The following RCL1 variants were observed in gnomAD, a reference collection of about 807,000 sequenced individuals.
RCL1 encodes the protein RNA 3'-terminal phosphate cyclase-like protein.
RCL1 carries 24 observed loss-of-function variants against 42.4 expected under a neutral mutation model. That is an observed-to-expected ratio of 0.57 (90% CI 0.41 to 0.80). RCL1 has a LOEUF of 0.80. Among genes scored for constraint, RCL1 ranks in the 30% least tolerant of loss-of-function variants. RCL1 has a pLI of 0.00. For missense variants in RCL1, 578 were observed against 467.9 expected, an observed-to-expected ratio of 1.24 and a Z score of -2.17; for synonymous variants, 228 against 177.3, an observed-to-expected ratio of 1.29 and a Z score of -2.27.
intron 5 of RCL1, 22 bp downstream of exon 5, chr9:4,834,287 A>C: frequency 6.3e-7 from 1 of 1,593,682 alleles, no homozygotes; most frequent in Non-Finnish European, 8.5e-7. Context: ...ATTTATTTGG[A>C]TTTCTTTTTT....
intron 2 of RCL1, among the ~76,000 whole-genome samples, 169 bp from the exon 3 acceptor site, chr9:4,826,689 A>C (rs576154346): frequency 6.6e-6 from 1 of 152,328 alleles, no homozygotes; most frequent in Admixed American, 6.5e-5. Context: ...GGGGCTTGAC[A>C]GTAGTGAGTC....
intron 3 of RCL1, among the ~76,000 whole-genome samples, chr9:4,828,618 T>C (rs1438610261): frequency 6.6e-6 from 1 of 151,376 alleles, no homozygotes; most frequent in Non-Finnish European, 1.5e-5. Context: ...AGAAGAGGTA[T>C]AAATATATTT....
In RCL1 at chr9:4,818,554, A is replaced by G. The variant is rs554351219; in HGVS notation, c.137-4994A>G. Among the ~76,000 whole-genome samples, 7 of 152,334 alleles carry G rather than the reference A, an allele frequency of 4.6e-5. No individual in the cohort carries two copies. In the East Asian group the frequency reaches 1.2e-3, roughly 25 times the overall value. Reference sequence around the variant, plus strand: ...ATGACTCCTAATTTTGCATGTTAACAGCTCACTGTCTTGTCTTCTGGTTAT... The same window carrying G: ...ATGACTCCTAATTTTGCATGTTAACGGCTCACTGTCTTGTCTTCTGGTTAT... On this transcript the variant is annotated intron_variant, in intron 1 of 8. Coordinates refer to ENST00000381750, the MANE Select transcript of RCL1 (RefSeq NM_005772.5).
At chr9:4,798,176 G>C (rs1249208031) in intron 1 of RCL1, among the ~76,000 whole-genome samples, 1 of 152,180 alleles carries the variant, frequency 6.6e-6, no homozygotes, top group African/African-American at 2.4e-5. Flanking sequence ...TGATGGACCT[G>C]GGTGTTCCTC....
chr9:4,852,072 G>A (rs1375294279), intron 8 of RCL1, among the ~76,000 whole-genome samples: 3 of 151,902 alleles, frequency 2.0e-5, no homozygotes, highest in Non-Finnish European at 2.9e-5. Flanking sequence ...TAGTAGAGAC[G>A]GGGTTTCACC....
intron 3 of RCL1, 175 bp downstream of exon 3, chr9:4,827,208 A>G: frequency 1.3e-6 from 2 of 1,531,780 alleles, no homozygotes; most frequent in Non-Finnish European, 1.8e-6. Context: ...ACCAAAACTT[A>G]GGATCATCAA....
At position 4,833,159 on chromosome 9, in the gene RCL1, T is replaced by A. The variant is rs747041853; in HGVS notation, c.390T>A (p.Asp130Glu). The change falls in exon 4 of 9, where the codon GAT becomes GAA. Residue 130 changes from aspartate (D) to glutamate (E), a missense_variant. By Grantham distance (45) the Asp-to-Glu change is conservative (BLOSUM62 2). Coordinates refer to ENST00000381750, the MANE Select transcript of RCL1 (RefSeq NM_005772.5). ...VTNDQVDPSV[D>E]VLKATALPLL... ...TTTCTGAAATAATTTCATAGGTTGA[T>A]GTTCTTAAGGCAACAGCACTCCCTT... 1 of 1,608,386 alleles carries A rather than the reference T, an allele frequency of 6.2e-7. No homozygotes were observed. Among genetic ancestry groups the A allele is most frequent in the Non-Finnish European group, 8.5e-7 (1 of 1,174,752 alleles).
intron 1 of RCL1, among the ~76,000 whole-genome samples, chr9:4,815,053 C>T (rs1378437462): frequency 1.3e-5 from 2 of 152,020 alleles, no homozygotes; most frequent in Non-Finnish European, 2.9e-5. Flanking sequence ...CTCTTTTTAT[C>T]TTTCACTTTT....
chr9:4,809,918 G>A (rs1816111949), intron 1 of RCL1, among the ~76,000 whole-genome samples: 1 of 152,088 alleles, frequency 6.6e-6, no homozygotes, highest in Non-Finnish European at 1.5e-5. Flanking sequence ...CTGGGTTCAA[G>A]CGATTCTTGT....
chr9:4,808,454 T>A (rs1587698392), intron 1 of RCL1, among the ~76,000 whole-genome samples: 1 of 152,054 alleles, frequency 6.6e-6, no homozygotes, highest in African/African-American at 2.4e-5. Flanking sequence ...ACTATAGGTG[T>A]GCGCCATTAT....
chr9:4,825,541 C>T (rs12337688), intron 2 of RCL1, among the ~76,000 whole-genome samples: 1,993 of 152,234 alleles, frequency 0.013, 46 homozygotes, highest in African/African-American at 0.045. Context: ...GTAAAACCTA[C>T]ATTTATTTTA....
rs1399302531 is a variant in RCL1 at position 4,833,033 on chromosome 9, C to T, written c.385-121C>T. The T allele has an allele frequency of 5.8e-6, 4 of 684,416 alleles. No individual in the cohort carries two copies. In the African/African-American group the frequency reaches 7.1e-5, roughly 12 times the overall value. The allele number at this position is 684,416 out of a possible 1,614,324, so 42.4% of individuals were successfully genotyped here. A position where few individuals can be genotyped will look rare whatever the true frequency, so the allele number is the denominator to read the frequency against. ...GCCCACTCGCTCAGTTATATGCCAG[C>T]ATCCTTTCTGTTTACCACACTGCAT... On this transcript the variant is annotated intron_variant, in intron 3 of 8. Coordinates refer to ENST00000381750, the MANE Select transcript of RCL1 (RefSeq NM_005772.5).
intron 1 of RCL1, among the ~76,000 whole-genome samples, chr9:4,818,424 A>C (rs1387503672): frequency 1.3e-5 from 2 of 152,236 alleles, no homozygotes; most frequent in East Asian, 1.9e-4. Context: ...CACATATAGA[A>C]ATAAATAAAC....
chr9:4,806,019 T>G lies in RCL1; in HGVS notation c.136+12792T>G, dbSNP rs796675643. Among the ~76,000 whole-genome samples, 712 of 86,654 alleles carry G rather than the reference T, an allele frequency of 8.2e-3. 3 individuals are homozygous for G. Among genetic ancestry groups the G allele is most frequent in the African/African-American group, 0.026 (658 of 25,114 alleles). 56.8% of individuals were successfully genotyped at this position (86,654 alleles called of 152,430 possible). A position where few individuals can be genotyped will look rare whatever the true frequency, so the allele number is the denominator to read the frequency against. On this transcript the variant is annotated intron_variant, in intron 1 of 8. Coordinates refer to ENST00000381750, the MANE Select transcript of RCL1 (RefSeq NM_005772.5). ...TTAGTATATAGAAATACCATTGGGG[T>G]GTGTGTGTGTGTGTGTGTGTGTGTG...
chr9:4,800,027 A>G (rs1256325931), intron 1 of RCL1, among the ~76,000 whole-genome samples: 3 of 152,166 alleles, frequency 2.0e-5, no homozygotes, highest in South Asian at 2.1e-4. Flanking sequence ...TTCAGTCAGC[A>G]TGATTCTCTG....
intron 1 of RCL1, among the ~76,000 whole-genome samples, chr9:4,816,908 C>G (rs577586667): frequency 6.6e-6 from 1 of 152,208 alleles, no homozygotes; most frequent in Non-Finnish European, 1.5e-5. Flanking sequence ...GCTCTGCCTC[C>G]CAGGTTCACG....
At chr9:4,818,078 G>T (rs1215808483) in intron 1 of RCL1, among the ~76,000 whole-genome samples, 2 of 151,754 alleles carry the variant, frequency 1.3e-5, no homozygotes, top group East Asian at 2.0e-4. Context: ...CTACCACCTT[G>T]CCCAGCTCAT....
intron 5 of RCL1, among the ~76,000 whole-genome samples, chr9:4,837,021 G>C (rs998569006): frequency 1.3e-5 from 2 of 152,122 alleles, no homozygotes; most frequent in East Asian, 3.9e-4. Flanking sequence ...TCCTTTCCTA[G>C]GAGCCCCCAG....
intron 1 of RCL1, among the ~76,000 whole-genome samples, chr9:4,820,573 A>G (rs375099787): frequency 6.6e-6 from 1 of 152,202 alleles, no homozygotes; most frequent in African/African-American, 2.4e-5. Context: ...AAGTAAAGTC[A>G]TGGTTTCTTC....
Sources: gnomAD v4.1 joint callset for allele counts (sites outside exome capture counted in the v4.1 genomes callset) on GRCh38, gnomAD v4.1.1 for gene constraint, MANE v1.5 for transcripts, NCBI Gene and HGNC (gene_info 2026-07-23, HGNC 2026-07-21) for gene names.